ADGRL3: variants seen among roughly 807,000 people sequenced by gnomAD.
The protein encoded by ADGRL3 is adhesion G protein-coupled receptor L3.
In ADGRL3, 62 loss-of-function variants were observed where a neutral mutation model predicts 153.5. The observed-to-expected ratio is 0.40, with a 90% CI of 0.33 to 0.50. The LOEUF (loss-of-function observed/expected upper bound fraction) is 0.50. ADGRL3 is among the 20% of genes least tolerant of loss of function. The probability of loss-of-function intolerance (pLI) is 0.47; values close to 1 mark genes in which losing one functional copy is unlikely to be tolerated. For missense variants in ADGRL3, 1,641 were observed against 1,859.4 expected (o/e 0.88, Z 2.16); for synonymous variants, 710 against 672.5 (o/e 1.06, Z -0.86).
At chr4:61,647,756 A>G (rs946265493) in intron 5 of ADGRL3, among the ~76,000 whole-genome samples, 3 of 151,202 alleles carry the variant, frequency 2.0e-5, no homozygotes, top group African/African-American at 7.4e-5. Flanking sequence ...TTTTTATTGT[A>G]TAGGAGTAAA....
At position 61,412,894 on chromosome 4, in the gene ADGRL3, A is replaced by G. The variant is rs150806497; in HGVS notation, c.-174+29705A>G. ...TAAAAATCTTTGTCAGATAATTTTA[A>G]CATCTCTATCATCCTGGTATTGGAT... is the stretch of plus-strand genomic sequence containing the variant. On this transcript the variant is annotated intron_variant, in intron 2 of 26. Transcript: ENST00000683033. 4.6e-3 allele frequency among the ~76,000 whole-genome samples: 703 copies of G among 152,272 alleles called. 7 individuals are homozygous for G. Among genetic ancestry groups the G allele is most frequent in the African/African-American group, 0.016 (669 of 41,552 alleles).
intron 2 of ADGRL3, among the ~76,000 whole-genome samples, chr4:61,492,631 A>T (rs2098270368): frequency 6.6e-6 from 1 of 152,144 alleles, no homozygotes; most frequent in South Asian, 2.1e-4. Flanking sequence ...AGTTTCCAGA[A>T]AATAAAATCA....
At chr4:61,366,145 A>C (rs2096392276) in intron 1 of ADGRL3, among the ~76,000 whole-genome samples, 1 of 152,118 alleles carries the variant, frequency 6.6e-6, no homozygotes, top group Non-Finnish European at 1.5e-5. Context: ...TCTTTAAAAA[A>C]AAGAAATAAT....
At chr4:61,347,860 T>A (rs72614738) in intron 1 of ADGRL3, among the ~76,000 whole-genome samples, 17,723 of 152,098 alleles carry the variant, frequency 0.12, 1,272 homozygotes, top group South Asian at 0.2. Context: ...TAAAAAATAT[T>A]ATTAGAAAAC....
intron 5 of ADGRL3, among the ~76,000 whole-genome samples, chr4:61,636,714 T>C (rs1463414166): frequency 6.6e-6 from 1 of 151,454 alleles, no homozygotes; most frequent in Admixed American, 6.6e-5. Flanking sequence ...TTTTCATTTA[T>C]ATAAATAGGA....
intron 23 of ADGRL3, among the ~76,000 whole-genome samples, chr4:62,034,596 C>A (rs376283603): frequency 6.6e-6 from 1 of 151,626 alleles, no homozygotes; most frequent in Admixed American, 6.6e-5. Context: ...GGTACTTTTT[C>A]TTTTAAGCCA....
At chr4:61,371,743 C>T (rs1210357477) in intron 1 of ADGRL3, among the ~76,000 whole-genome samples, 20 of 152,030 alleles carry the variant, frequency 1.3e-4, no homozygotes, top group South Asian at 4.2e-4. Flanking sequence ...ATCTTTGTGG[C>T]GTTCTCTGTA....
chr4:61,601,868 A>G (rs1404047399), intron 5 of ADGRL3, among the ~76,000 whole-genome samples: 1 of 152,160 alleles, frequency 6.6e-6, no homozygotes, highest in African/African-American at 2.4e-5. Flanking sequence ...TCAAACTACT[A>G]TACTTAGGTA....
intron 1 of ADGRL3, among the ~76,000 whole-genome samples, chr4:61,358,320 G>A (rs868834306): frequency 1.8e-4 from 28 of 152,118 alleles, no homozygotes; most frequent in African/African-American, 5.1e-4. Flanking sequence ...CCATTGGGCC[G>A]GGAGCGGTGG....
At chr4:61,552,885 G>A (rs1293079655) in intron 4 of ADGRL3, among the ~76,000 whole-genome samples, 1 of 152,034 alleles carries the variant, frequency 6.6e-6, no homozygotes, top group Non-Finnish European at 1.5e-5. Flanking sequence ...TTCATATAGT[G>A]TCCTATATTC....
intron 21 of ADGRL3, among the ~76,000 whole-genome samples, chr4:62,026,963 A>C (rs1428414952): frequency 6.6e-6 from 1 of 152,168 alleles, no homozygotes; most frequent in Middle Eastern, 3.4e-3. Context: ...ATCTATACAA[A>C]GCTTAATTCA....
intron 17 of ADGRL3, among the ~76,000 whole-genome samples, chr4:61,958,886 A>G (rs1024762012): frequency 2.0e-5 from 3 of 152,108 alleles, no homozygotes; most frequent in African/African-American, 7.2e-5. Context: ...ATCTACTTGT[A>G]ACTTTTCTGA....
intron 1 of ADGRL3, among the ~76,000 whole-genome samples, chr4:61,323,036 C>T (rs559339629): frequency 6.6e-6 from 1 of 152,328 alleles, no homozygotes; most frequent in South Asian, 2.1e-4. Context: ...CTACGTAGAG[C>T]TTCCCAAACC....
intron 5 of ADGRL3, among the ~76,000 whole-genome samples, chr4:61,612,991 T>C (rs2091558421): frequency 6.6e-6 from 1 of 152,182 alleles, no homozygotes; most frequent in South Asian, 2.1e-4. Context: ...GCTTCTTTTT[T>C]TTTAATCATC....
In ADGRL3 at chr4:61,496,271, T is replaced by C. The variant is rs1022555633; in HGVS notation, c.-173-850T>C. 5.9e-5 allele frequency among the ~76,000 whole-genome samples: 9 copies of C among 152,222 alleles called. No individual in the cohort carries two copies. In the East Asian group the frequency reaches 1.7e-3, roughly 29 times the overall value. ...TGGTAACAGTGATGAATTAAATATTTTACTATTCTAATGTTAGTGAAATTA... is the reference window on the plus strand; with the variant it reads ...TGGTAACAGTGATGAATTAAATATTCTACTATTCTAATGTTAGTGAAATTA... On this transcript the variant is annotated intron_variant, in intron 2 of 26. Transcript: ENST00000683033.
chr4:61,435,380 G>A (rs1477372673), intron 2 of ADGRL3, among the ~76,000 whole-genome samples: 1 of 152,006 alleles, frequency 6.6e-6, no homozygotes, highest in African/African-American at 2.4e-5. Flanking sequence ...GATAGTAAAA[G>A]TAAAGGTCTC....
intron 3 of ADGRL3, among the ~76,000 whole-genome samples, chr4:61,513,209 G>A (rs1259112295): frequency 6.6e-6 from 1 of 152,024 alleles, no homozygotes; most frequent in East Asian, 1.9e-4. Flanking sequence ...GCTCATGTAA[G>A]AAGAACAAGA....
intron 9 of ADGRL3, among the ~76,000 whole-genome samples, chr4:61,886,193 A>T (rs2098537698): frequency 1.3e-5 from 2 of 152,176 alleles, no homozygotes; most frequent in African/African-American, 4.8e-5. Flanking sequence ...ATGACCGATA[A>T]TATGAATGCT....
At chr4:61,876,462 A>T (rs1385274016) in intron 9 of ADGRL3, among the ~76,000 whole-genome samples, 2 of 152,150 alleles carry the variant, frequency 1.3e-5, no homozygotes, top group Non-Finnish European at 2.9e-5. Context: ...GAAATTTTGA[A>T]TTCTTTTCCT....
Sources: allele counts gnomAD v4.1 joint callset (sites outside exome capture counted in the v4.1 genomes callset), GRCh38; gene constraint gnomAD v4.1.1; transcripts MANE v1.5; gene names NCBI Gene and HGNC (gene_info 2026-07-23, HGNC 2026-07-21).